Variants in STRN4 observed in about 807,000 individuals in gnomAD.
STRN4 encodes striatin-4.
Under a neutral mutation model 77.9 loss-of-function variants are expected in STRN4, and 27 were observed. The observed-to-expected ratio is 0.35, with a 90% CI of 0.26 to 0.48. STRN4 has a LOEUF of 0.48. STRN4 is among the 20% of genes least tolerant of loss of function. The probability of loss-of-function intolerance (pLI) is 0.99; values close to 1 mark genes in which losing one functional copy is unlikely to be tolerated. For synonymous variants in STRN4, 466 were observed against 443.1 expected (o/e 1.05, Z -0.65); for missense variants, 798 against 1,049.7 (o/e 0.76, Z 3.31).
chr19:46,740,612 T>C (rs1241245458), intron 1 of STRN4, among the ~76,000 whole-genome samples: 1 of 151,634 alleles, frequency 6.6e-6, no homozygotes, highest in Admixed American at 6.6e-5. Context: ...GTTTGGTGAT[T>C]GATCCCTCAA....
chr19:46,730,929 G>C, intron 5 of STRN4, 56 bp from the exon 6 acceptor site: 2 of 1,594,178 alleles, frequency 1.3e-6, no homozygotes, highest in Non-Finnish European at 1.7e-6. Flanking sequence ...TCAAAGCTCA[G>C]ATAGGAAGGT....
At chr19:46,722,096 A>C in intron 15 of STRN4, 24 bp from the exon 16 acceptor site, 1 of 1,611,718 alleles carries the variant, frequency 6.2e-7, no homozygotes, top group Non-Finnish European at 8.5e-7. Context: ...GGCGGGTGGC[A>C]GGTTCCCCTC....
chr19:46,725,423 C>G, intron 10 of STRN4, 44 bp from the exon 11 acceptor site: 1 of 1,613,850 alleles, frequency 6.2e-7, no homozygotes, highest in Non-Finnish European at 8.5e-7. Context: ...GACCCTGTCA[C>G]CCCCGTCCCC....
intron 1 of STRN4, among the ~76,000 whole-genome samples, chr19:46,745,118 G>A (rs2054554390): frequency 6.9e-6 from 1 of 144,800 alleles, no homozygotes; most frequent in East Asian, 2.0e-4. Context: ...CATCACCCCA[G>A]GGTAACCCCT....
At chr19:46,743,418 T>C (rs1179138727) in intron 1 of STRN4, among the ~76,000 whole-genome samples, 3 of 152,238 alleles carry the variant, frequency 2.0e-5, no homozygotes. Context: ...TTTTCTCTCA[T>C]CAGCCTCCAG....
intron 1 of STRN4, among the ~76,000 whole-genome samples, chr19:46,743,426 C>T: frequency 6.6e-6 from 1 of 152,232 alleles, no homozygotes; most frequent in Admixed American, 6.5e-5. Context: ...CATCAGCCTC[C>T]AGGATGAGAA....
chr19:46,746,046 G>GGCCCGGCGGCCCTTGC, intron 1 of STRN4, 103 bp downstream of exon 1: 1 of 1,042,096 alleles, frequency 9.6e-7, no homozygotes, highest in Non-Finnish European at 1.2e-6. Flanking sequence ...CCCGCCGGCC[G>GGCCCGGCGGCCCTTGC]TCCCGGCGGC....
chr19:46,720,374 C>T (rs759834227), intron 17 of STRN4, 36 bp from the exon 18 acceptor site: 5 of 433,268 alleles, frequency 1.2e-5, no homozygotes, highest in Admixed American at 4.4e-5. Flanking sequence ...ACTGAGCCGC[C>T]GCCTCTAGGG....
intron 8 of STRN4, 79 bp downstream of exon 8, chr19:46,727,815 A>G (rs1953311521): frequency 2.3e-6 from 3 of 1,318,906 alleles, no homozygotes; most frequent in Non-Finnish European, 3.1e-6. Context: ...CTGAAGACAC[A>G]GAAGCCCTGG....
In STRN4 at chr19:46,722,261, G is replaced by T; in HGVS notation, c.1986C>A (p.Arg662=). 6.2e-7 allele frequency: 1 copy of T among 1,614,218 alleles called. No individual in the cohort carries two copies. The highest frequency in any genetic ancestry group is 8.5e-7 in the Non-Finnish European group (1 of 1,180,026). The part of the protein sequence containing the change: ...TITAHDDRGI[R]FLDNRTGKPV... Reference sequence around the variant, plus strand: ...CCTCACCTGTCCGATTGTCCAGGAAGCGGATGCCCCTGTCGTCGTGGGCGG... The same window carrying T: ...CCTCACCTGTCCGATTGTCCAGGAATCGGATGCCCCTGTCGTCGTGGGCGG... Residue 662 remains arginine, a synonymous_variant, in exon 15 of 18, where the codon CGC becomes CGA. Transcript: ENST00000263280.
intron 3 of STRN4, 151 bp from the exon 4 acceptor site, chr19:46,737,052 C>T: frequency 1.6e-6 from 1 of 635,178 alleles, no homozygotes; most frequent in Admixed American, 3.2e-5. Context: ...TGCTCTCTTC[C>T]CTTACTCGGG....
Position 46,746,230 on chromosome 19 carries a change from C to T in STRN4, c.201G>A (p.Gly67=). Residue 67 remains glycine, a synonymous_variant, in exon 1 of 18, where the codon GGG becomes GGA. Coordinates refer to ENST00000263280, the MANE Select transcript of STRN4 (RefSeq NM_013403.3). The stretch of plus-strand genomic sequence containing the variant: ...ACTCGTGCTGGATAAAGTGCAGGAT[C>T]CCCGGCAGGCTCAGGGGCTCCGGGC... ...TAGPEPLSLP[G]ILHFIQHEWA... 2.6e-6 allele frequency: 4 copies of T among 1,527,484 alleles called. No individual in the cohort carries two copies. The highest frequency in any genetic ancestry group is 3.5e-6 in the Non-Finnish European group (4 of 1,146,174). The allele number at this position is 1,527,484 out of a possible 1,614,324, so 94.6% of individuals were successfully genotyped here.
chr19:46,723,678 C>G lies in STRN4; in HGVS notation c.1595-394G>C, dbSNP rs963812341. Among the ~76,000 whole-genome samples, 2 of 152,206 alleles carry G rather than the reference C, an allele frequency of 1.3e-5. No individual in the cohort carries two copies. Among genetic ancestry groups the G allele is most frequent in the Non-Finnish European group, 2.9e-5 (2 of 68,032 alleles). On this transcript the variant is annotated intron_variant, in intron 12 of 17. Coordinates refer to ENST00000263280, the MANE Select transcript of STRN4 (RefSeq NM_013403.3). This position sits in a 1 kb window ranked among gnomAD's most constrained non-coding sequence, Gnocchi z 5.5. The stretch of plus-strand genomic sequence containing the variant: ...GGGTTGGTCCCAACCCTGGCCCGAG[C>G]AGTCTTTTCAGCCCATGGCCAAGTG...
chr19:46,720,371 C>T (rs34805055), intron 17 of STRN4, 33 bp from the exon 18 acceptor site: 25,298 of 422,572 alleles, frequency 0.06, 960 homozygotes, highest in Non-Finnish European at 0.077. Flanking sequence ...GAGACTGAGC[C>T]GCCGCCTCTA....
At chr19:46,745,192 A>G (rs916506012) in intron 1 of STRN4, among the ~76,000 whole-genome samples, 5 of 151,676 alleles carry the variant, frequency 3.3e-5, no homozygotes, top group Admixed American at 2.0e-4. Flanking sequence ...CCAACACCCC[A>G]CACTCCAGTT....
At chr19:46,725,048 G>A in intron 11 of STRN4, 120 bp from the exon 12 acceptor site, 1 of 1,460,982 alleles carries the variant, frequency 6.8e-7, no homozygotes, top group Non-Finnish European at 9.3e-7. Context: ...CAGTGACTGG[G>A]GCTCTGGCCA....
intron 7 of STRN4, chr19:46,728,299 C>T (rs2054169037): frequency 3.4e-6 from 2 of 589,410 alleles, no homozygotes; most frequent in Admixed American, 2.9e-5. Context: ...GGCCCTCCCA[C>T]CTGCCTCTCC....
At chr19:46,725,748 T>A (rs1215012956) in intron 9 of STRN4, 100 bp from the exon 10 acceptor site, 1 of 1,450,538 alleles carries the variant, frequency 6.9e-7, no homozygotes, top group Non-Finnish European at 9.3e-7. Context: ...TCCACCCACA[T>A]GACCCTGGCA....
rs753987153 is a variant in STRN4, at chr19:46,725,482, G to A, written c.1415C>T (p.Thr472Met). ...LKLWNLQKAV[T>M]AKKNAALDVE... is the part of the protein sequence containing the mutation. The stretch of plus-strand genomic sequence containing the variant: ...AGCTTGCTGCCCTCACTTCTTGGCC[G>A]TGACCGCCTTCTGCAGGTTCCAGAG... Residue 472 changes from threonine to methionine, a missense_variant, in exon 10 of 18, where the codon ACG (threonine) becomes ATG (methionine). Physicochemically the swap from Thr to Met is moderately conservative, Grantham distance 81 (BLOSUM62 -1). This residue lies in a region of STRN4 where 287 missense variants were observed against 473.8 expected (regional missense o/e 0.61). Coordinates refer to ENST00000263280, the MANE Select transcript of STRN4 (RefSeq NM_013403.3). 38 of 1,613,768 alleles carry A rather than the reference G, an allele frequency of 2.4e-5. No individual in the cohort carries two copies. The East Asian group carries it at 5.1e-4, about 22-fold the overall frequency.
Sources: allele counts gnomAD v4.1 joint callset (sites outside exome capture counted in the v4.1 genomes callset), GRCh38; gene constraint gnomAD v4.1.1; regional missense constraint gnomAD v4.1.1; non-coding constraint Gnocchi (gnomAD v3.1); transcripts MANE v1.5; gene names NCBI Gene and HGNC (gene_info 2026-07-23, HGNC 2026-07-21).